DNAH7: variants seen among roughly 807,000 people sequenced by gnomAD.
The protein encoded by DNAH7 is dynein axonemal heavy chain 7.
A neutral mutation model predicts 444.6 loss-of-function variants in DNAH7; 397 were observed. The ratio of observed to expected loss-of-function variants is 0.89; its 90% confidence interval spans 0.82 to 0.97. The LOEUF is 0.97. Ranked by LOEUF, DNAH7 falls within the 50% of genes least tolerant of loss-of-function variation. The pLI is 0.00. For missense variants in DNAH7, 4,902 were observed against 4,800.8 expected (o/e 1.02, Z -0.62); for synonymous variants, 1,636 against 1,624.4 (o/e 1.01, Z -0.17).
intron 63 of DNAH7, among the ~76,000 whole-genome samples, chr2:195,742,035 C>T (rs531064197): frequency 1.1e-4 from 17 of 152,218 alleles, no homozygotes; most frequent in South Asian, 6.2e-4. Context: ...GGGAAGAATA[C>T]GTCGGAATAT....
rs1389116872 is a variant in DNAH7 at position 195,754,329 on chromosome 2, G to A, written c.11764+8C>T. The A allele has an allele frequency of 1.2e-6, 2 of 1,612,878 alleles. No homozygotes were observed. Among genetic ancestry groups the A allele is most frequent in the East Asian group, 2.2e-5 (1 of 44,834 alleles). On this transcript the variant is annotated splice_region_variant and intron_variant, in intron 63 of 64. Transcript: ENST00000312428. ...ATATGAGCCGACTCATTCTGTCCCT[G>A]CACTTACCATCCTCAGGAGGATGCT...
At chr2:195,876,514 A>G (rs771719647) in intron 37 of DNAH7, 30 bp downstream of exon 37, 1 of 1,599,358 alleles carries the variant, frequency 6.3e-7, no homozygotes, top group Non-Finnish European at 8.5e-7. Context: ...GTATATGAAT[A>G]GGCCCGGGTA....
At chr2:195,883,456 C>T (rs559837636) in intron 35 of DNAH7, among the ~76,000 whole-genome samples, 14 of 148,798 alleles carry the variant, frequency 9.4e-5, no homozygotes, top group East Asian at 2.0e-4. Flanking sequence ...CCCGCTCCCC[C>T]CCCCCAAAAA....
intron 10 of DNAH7, 72 bp downstream of exon 10, chr2:196,012,715 C>A: frequency 6.8e-7 from 1 of 1,470,022 alleles, no homozygotes; most frequent in South Asian, 1.3e-5. Context: ...CTTCTAAAAG[C>A]AGTTAAAATG....
intron 47 of DNAH7, among the ~76,000 whole-genome samples, chr2:195,838,788 GATAGT>G (rs1698521009): frequency 1.3e-5 from 2 of 151,840 alleles, no homozygotes; most frequent in African/African-American, 4.8e-5. Context: ...CTGTACTGGC[GATAGT>G]ATATTAGAAA....
At chr2:195,895,513 C>T (rs1702255838) in intron 29 of DNAH7, among the ~76,000 whole-genome samples, 1 of 152,140 alleles carries the variant, frequency 6.6e-6, no homozygotes, top group Non-Finnish European at 1.5e-5. Flanking sequence ...GATCATGGCT[C>T]ACTGCAGCCT....
At chr2:195,967,439 ATTAT>A (rs1474938185) in intron 17 of DNAH7, among the ~76,000 whole-genome samples, 1 of 152,116 alleles carries the variant, frequency 6.6e-6, no homozygotes, top group Non-Finnish European at 1.5e-5. Context: ...ATGTGTGCTT[ATTAT>A]TACCAGTGAG....
At position 195,824,386 on chromosome 2, in the gene DNAH7, GT is replaced by G. The variant is rs754935281; in HGVS notation, c.9159del (p.Lys3053AsnfsTer33). 5 of 1,613,244 alleles carry G rather than the reference GT, an allele frequency of 3.1e-6. No homozygotes were observed. The South Asian group carries it at 5.5e-5, about 18-fold the overall frequency. On this transcript the variant is annotated frameshift_variant, in exon 49 of 65. Transcript: ENST00000312428. LOFTEE classifies it high-confidence loss of function. ...LDPILEPLLL[K>X]QTFKQGGSTC... Reference sequence around the variant, plus strand: ...GTACTCCCACCCTGCTTAAAGGTTTGTTTTAGTAGAAGAGGTTCCAAAATAG... The same window carrying G: ...GTACTCCCACCCTGCTTAAAGGTTTGTTTAGTAGAAGAGGTTCCAAAATAG...
At chr2:195,989,130 T>G (rs1693126390) in intron 12 of DNAH7, among the ~76,000 whole-genome samples, 1 of 152,252 alleles carries the variant, frequency 6.6e-6, no homozygotes, top group African/African-American at 2.4e-5. Context: ...TTATTATGAA[T>G]AGTGCTGTAA....
intron 34 of DNAH7, 149 bp from the exon 35 acceptor site, chr2:195,884,958 A>G: frequency 3.2e-6 from 2 of 622,792 alleles, no homozygotes; most frequent in South Asian, 2.5e-5. Flanking sequence ...GGATTTTGTA[A>G]TCATAAGGGT....
intron 63 of DNAH7, among the ~76,000 whole-genome samples, chr2:195,741,561 T>C (rs966202159): frequency 2.6e-5 from 4 of 152,250 alleles, no homozygotes; most frequent in South Asian, 2.1e-4. Flanking sequence ...TCAAGCAATG[T>C]AGACTTTGGG....
chr2:195,806,695 A>AT, intron 54 of DNAH7, 45 bp downstream of exon 54: 2 of 1,551,896 alleles, frequency 1.3e-6, no homozygotes, highest in Non-Finnish European at 1.8e-6. Flanking sequence ...CTGAGCAGGC[A>AT]TAAGGCTTTG....
intron 48 of DNAH7, among the ~76,000 whole-genome samples, chr2:195,828,966 T>C (rs749882343): frequency 1.3e-5 from 2 of 152,216 alleles, no homozygotes; most frequent in Non-Finnish European, 2.9e-5. Flanking sequence ...AGGTTAAGTA[T>C]TGTTTTCTAA....
intron 5 of DNAH7, among the ~76,000 whole-genome samples, chr2:196,042,684 A>G (rs1301391214): frequency 6.6e-6 from 1 of 152,144 alleles, no homozygotes; most frequent in Non-Finnish European, 1.5e-5. Context: ...ACAGTGTCAA[A>G]ACAAAATAAA....
At chr2:195,921,601 T>C (rs1688030017) in intron 24 of DNAH7, among the ~76,000 whole-genome samples, 2 of 151,992 alleles carry the variant, frequency 1.3e-5, no homozygotes, top group African/African-American at 4.8e-5. Context: ...AGGAGAAGGG[T>C]GAGAGTGGGT....
intron 19 of DNAH7, 143 bp from the exon 20 acceptor site, chr2:195,936,935 G>A (rs1256028772): frequency 3.0e-6 from 2 of 672,748 alleles, no homozygotes; most frequent in African/African-American, 3.7e-5. Context: ...TTTAAAAGTA[G>A]TCTTGCATAT....
At chr2:195,920,305 C>A (rs776055882) in intron 24 of DNAH7, among the ~76,000 whole-genome samples, 14 of 152,154 alleles carry the variant, frequency 9.2e-5, no homozygotes, top group African/African-American at 1.4e-4. Context: ...TACCCAACTT[C>A]AAACTACACT....
At chr2:195,991,724 C>T (rs1029575953) in intron 12 of DNAH7, among the ~76,000 whole-genome samples, 2 of 152,124 alleles carry the variant, frequency 1.3e-5, no homozygotes, top group African/African-American at 2.4e-5. Flanking sequence ...AGTCATAATT[C>T]GCACACTTGT....
At chr2:195,987,322 T>C (rs2125633323) in intron 13 of DNAH7, 129 bp from the exon 14 acceptor site, 2 of 610,230 alleles carry the variant, frequency 3.3e-6, no homozygotes, top group South Asian at 3.2e-5. Flanking sequence ...AAAATATATA[T>C]AATTCAGGGA....
Sources: allele counts gnomAD v4.1 joint callset (sites outside exome capture counted in the v4.1 genomes callset), GRCh38; gene constraint gnomAD v4.1.1; transcripts MANE v1.5; gene names NCBI Gene and HGNC (gene_info 2026-07-23, HGNC 2026-07-21).